PIWIL4: variants seen among roughly 807,000 people sequenced by gnomAD.
PIWIL4 encodes the protein piwi like RNA-mediated gene silencing 4.
Under a neutral mutation model 100.9 loss-of-function variants are expected in PIWIL4, and 50 were observed. That is an observed-to-expected ratio of 0.50 (90% CI 0.39 to 0.63). The LOEUF (loss-of-function observed/expected upper bound fraction) is 0.63, where lower values mean the gene tolerates loss of function less well. Among genes scored for constraint, PIWIL4 ranks in the 20% least tolerant of loss-of-function variants. The pLI is 0.00. For synonymous variants in PIWIL4, 342 were observed against 367.5 expected, an observed-to-expected ratio of 0.93 and a Z score of 0.79; for missense variants, 887 against 1,043.3, an observed-to-expected ratio of 0.85 and a Z score of 2.06.
rs1052222697 is a variant in PIWIL4, at chr11:94,603,225, A to G, written c.1566-759A>G. On this transcript the variant is annotated intron_variant, in intron 12 of 19. Coordinates refer to ENST00000299001, the MANE Select transcript of PIWIL4 (RefSeq NM_152431.3). ...AGACGGTTCGGCCAGCCAGTCACAT[A>G]GGTCTGTTAGTATCTGCAGTCATGG... Among the ~76,000 whole-genome samples the G allele has an allele frequency of 3.9e-5, 6 of 152,156 alleles. No homozygotes were observed. The South Asian group carries it at 1.2e-3, about 32-fold the overall frequency.
At position 94,607,470 on chromosome 11, in the gene PIWIL4, C is replaced by T. The variant is rs148698493; in HGVS notation, c.1670C>T (p.Thr557Ile). The change falls in exon 14 of 20, where the codon ACC (threonine) becomes ATC (isoleucine). Residue 557 changes from threonine to isoleucine, a missense_variant. Around this residue, in one of 2 missense-constraint regions of PIWIL4, gnomAD observed 741 missense variants for 930.0 expected, o/e 0.80. Coordinates refer to ENST00000299001, the MANE Select transcript of PIWIL4 (RefSeq NM_152431.3). ...TGCATTCTGCCTTCTAATCAGAAGA[C>T]CTATTATGATTCCATTAAAAAATAT... is the stretch of plus-strand genomic sequence containing the variant. Reference protein sequence around the residue: ...VMCILPSNQKTYYDSIKKYLS... With the variant: ...VMCILPSNQKIYYDSIKKYLS... 1 of 1,613,844 alleles carries T rather than the reference C, an allele frequency of 6.2e-7. No homozygotes were observed. Among genetic ancestry groups the T allele is most frequent in the Non-Finnish European group, 8.5e-7 (1 of 1,179,894 alleles).
intron 11 of PIWIL4, among the ~76,000 whole-genome samples, chr11:94,598,705 CT>C (rs769342028): frequency 0.15 from 16,842 of 109,932 alleles, 1,062 homozygotes; most frequent in African/African-American, 0.26. Flanking sequence ...TTTTTTCCAT[CT>C]TTTTTTTTTT....
At chr11:94,598,152 C>T (rs866050978) in intron 11 of PIWIL4, among the ~76,000 whole-genome samples, 36 of 152,152 alleles carry the variant, frequency 2.4e-4, no homozygotes, top group African/African-American at 8.4e-4. Flanking sequence ...TATTTCAAAT[C>T]ATTGCAATTA....
intron 19 of PIWIL4, among the ~76,000 whole-genome samples, chr11:94,620,456 T>C (rs1457417210): frequency 1.3e-5 from 2 of 152,194 alleles, no homozygotes. Flanking sequence ...ATTTACATGT[T>C]ACAGATGAAG....
At chr11:94,613,966 G>A (rs1238100082) in intron 15 of PIWIL4, among the ~76,000 whole-genome samples, 1 of 152,090 alleles carries the variant, frequency 6.6e-6, no homozygotes, top group Admixed American at 6.5e-5. Context: ...GTTTCACTGT[G>A]TTGGTCAGGC....
intron 4 of PIWIL4, among the ~76,000 whole-genome samples, chr11:94,582,836 C>A (rs550229676): frequency 1.3e-5 from 2 of 152,232 alleles, no homozygotes; most frequent in African/African-American, 2.4e-5. Flanking sequence ...CCCATGTTTA[C>A]TTTCCCTCTC....
chr11:94,606,843 A>G (rs1948726337), intron 13 of PIWIL4, among the ~76,000 whole-genome samples: 1 of 151,990 alleles, frequency 6.6e-6, no homozygotes, highest in African/African-American at 2.4e-5. Flanking sequence ...CAAAAAAAAA[A>G]AAAAAGCCAG....
In PIWIL4 at chr11:94,594,232, C is replaced by A. The variant is rs148459298; in HGVS notation, c.1150+591C>A. On this transcript the variant is annotated intron_variant, in intron 9 of 19. Coordinates refer to ENST00000299001, the MANE Select transcript of PIWIL4 (RefSeq NM_152431.3). ...CTGTCATCCTAGCATTTTGGGAGGC[C>A]AAGGCGGGCGGATCACCTGAAGTCA... is the stretch of plus-strand genomic sequence containing the variant. Among the ~76,000 whole-genome samples the A allele has an allele frequency of 5.2e-3, 797 of 152,054 alleles. 4 individuals are homozygous for A. Among genetic ancestry groups the A allele is most frequent in the African/African-American group, 0.018 (757 of 41,500 alleles).
At chr11:94,587,767 CCTT>C (rs919564823) in intron 7 of PIWIL4, among the ~76,000 whole-genome samples, 3 of 152,196 alleles carry the variant, frequency 2.0e-5, no homozygotes, top group Non-Finnish European at 4.4e-5. Flanking sequence ...CCATGTCTCA[CCTT>C]CTTTATTAGA....
At chr11:94,606,790 T>C (rs1045233901) in intron 13 of PIWIL4, among the ~76,000 whole-genome samples, 2 of 148,368 alleles carry the variant, frequency 1.3e-5, no homozygotes, top group East Asian at 4.0e-4. Context: ...GCCAAGATCG[T>C]GCCACTGCAC....
intron 2 of PIWIL4, among the ~76,000 whole-genome samples, chr11:94,573,456 A>C (rs1452035217): frequency 2.0e-5 from 3 of 152,174 alleles, no homozygotes; most frequent in Non-Finnish European, 4.4e-5. Flanking sequence ...ATTTTGAGAT[A>C]TGTCCCATCA....
intron 12 of PIWIL4, among the ~76,000 whole-genome samples, chr11:94,603,159 C>T (rs765748895): frequency 6.6e-5 from 10 of 151,878 alleles, no homozygotes; most frequent in South Asian, 2.1e-4. Context: ...AGTCAGAGTG[C>T]GAGAGTTTGA....
chr11:94,567,476 G>A lies in PIWIL4; in HGVS notation c.-43G>A. On this transcript the variant is annotated 5_prime_UTR_variant, in exon 1 of 20. Coordinates refer to ENST00000299001, the MANE Select transcript of PIWIL4 (RefSeq NM_152431.3). ...AGCCAAAGCAAAACATATCCTAACT[G>A]AGACTTTGCAGCTCTTGTGGCCACT... 1 of 1,485,256 alleles carries A rather than the reference G, an allele frequency of 6.7e-7. No individual in the cohort carries two copies. Among genetic ancestry groups the A allele is most frequent in the Non-Finnish European group, 9.0e-7 (1 of 1,106,228 alleles). The allele number at this position is 1,485,256 out of a possible 1,614,324, so 92.0% of individuals were successfully genotyped here.
rs115558274 is a variant in PIWIL4, at chr11:94,588,429, G to A, written c.915-692G>A. On this transcript the variant is annotated intron_variant, in intron 7 of 19. Coordinates refer to ENST00000299001, the MANE Select transcript of PIWIL4 (RefSeq NM_152431.3). The stretch of plus-strand genomic sequence containing the variant: ...GGACTGGCTGGATTCCACACTACTC[G>A]GTATGAGAAGGCTACCCTCTTATCC... Among the ~76,000 whole-genome samples the A allele has an allele frequency of 1.1e-3, 171 of 152,194 alleles. 2 individuals are homozygous for A. Among genetic ancestry groups the A allele is most frequent in the African/African-American group, 4.0e-3 (166 of 41,498 alleles).
chr11:94,595,877 C>T (rs1038403368), intron 10 of PIWIL4, among the ~76,000 whole-genome samples: 1 of 152,164 alleles, frequency 6.6e-6, no homozygotes, highest in Non-Finnish European at 1.5e-5. Flanking sequence ...TTGAGATATA[C>T]CTTTGTGCCA....
At chr11:94,567,932 T>C (rs1480755915) in intron 1 of PIWIL4, 1 of 538,776 alleles carries the variant, frequency 1.9e-6, no homozygotes, top group African/African-American at 2.1e-5. Flanking sequence ...TTTCATAACA[T>C]TACACGGCAT....
chr11:94,587,873 A>G (rs1204537014), intron 7 of PIWIL4, among the ~76,000 whole-genome samples: 1 of 152,198 alleles, frequency 6.6e-6, no homozygotes, highest in Non-Finnish European at 1.5e-5. Flanking sequence ...CATTGAGCTG[A>G]GTTAAACACG....
intron 3 of PIWIL4, 71 bp downstream of exon 3, chr11:94,575,201 C>A: frequency 6.8e-7 from 1 of 1,471,906 alleles, no homozygotes; most frequent in South Asian, 1.2e-5. Flanking sequence ...AATTCTAGGT[C>A]TAAAATAAAT....
In PIWIL4 at chr11:94,575,010, A is replaced by T. The variant is rs781537031; in HGVS notation, c.178A>T (p.Ile60Leu). The change falls in exon 3 of 20, where the codon ATA becomes TTA. Residue 60 changes from isoleucine to leucine, a missense_variant. Physicochemically the swap from Ile to Leu is conservative, Grantham distance 5. This residue lies in a region of PIWIL4 where 146 missense variants were observed against 113.4 expected (regional missense o/e 1.29). Coordinates refer to ENST00000299001, the MANE Select transcript of PIWIL4 (RefSeq NM_152431.3). ...TCTTCATGTTTTAGATAAATATGGG[A>T]TATCTTCTGGTGATGCTGGAAGTAC... ...SRISTNDKYG[I>L]SSGDAGSTFM... 7 of 1,612,516 alleles carry T rather than the reference A, an allele frequency of 4.3e-6. No individual in the cohort carries two copies. In the South Asian group the frequency reaches 6.6e-5, roughly 15 times the overall value.
Sources: gnomAD v4.1 joint callset for allele counts (sites outside exome capture counted in the v4.1 genomes callset) on GRCh38, gnomAD v4.1.1 for gene constraint, gnomAD v4.1.1 regional missense constraint, MANE v1.5 for transcripts, NCBI Gene and HGNC (gene_info 2026-07-23, HGNC 2026-07-21) for gene names.